Variants in KIN observed in about 807,000 individuals in gnomAD.
KIN encodes DNA/RNA-binding protein KIN17.
KIN carries 47 observed loss-of-function variants against 63.0 expected under a neutral mutation model. The ratio of observed to expected loss-of-function variants is 0.75; its 90% CI spans 0.59 to 0.95. The LOEUF (loss-of-function observed/expected upper bound fraction) is 0.95. Ranked by LOEUF, KIN falls within the 40% of genes least tolerant of loss-of-function variation. KIN has a pLI of 0.00. For missense variants in KIN, 408 were observed against 460.9 expected (o/e 0.89, Z 1.05); for synonymous variants, 160 against 157.7 (o/e 1.01, Z -0.11).
chr10:7,776,025 G>A lies in KIN; in HGVS notation c.559-226C>T, dbSNP rs140392914. ...GGGCAGATCATGAGGTCAGTAGTTC[G>A]AGACCAGTCTGGCCAACACAGTGAA... On this transcript the variant is annotated intron_variant, in intron 5 of 12. Transcript: ENST00000379562. Among the ~76,000 whole-genome samples the A allele has an allele frequency of 4.1e-3, 625 of 151,972 alleles. 4 individuals carry two copies. Among genetic ancestry groups the A allele is most frequent in the African/African-American group, 0.013 (524 of 41,434 alleles).
chr10:7,760,035 C>T (rs771558988), intron 11 of KIN, 45 bp from the exon 12 acceptor site: 1 of 906,640 alleles, frequency 1.1e-6, no homozygotes, highest in Non-Finnish European at 1.7e-6. Flanking sequence ...GAAATATCTC[C>T]ACTTTTCTTC....
At position 7,766,024 on chromosome 10, in the gene KIN, A is replaced by G. The variant is rs755100549; in HGVS notation, c.849+29T>C. On this transcript the variant is annotated intron_variant, in intron 9 of 12. Transcript: ENST00000379562. ...ATCATTCACTTAAACATACATTTAG[A>G]ACTTAAGAAACTCCAACTGAATACT... 1.1e-5 allele frequency: 17 copies of G among 1,556,160 alleles called. No individual in the cohort carries two copies. In the African/African-American group the frequency reaches 2.2e-4, roughly 20 times the overall value.
chr10:7,760,139 A>G (rs1835411742), intron 11 of KIN, 149 bp from the exon 12 acceptor site: 1 of 496,534 alleles, frequency 2.0e-6, no homozygotes, highest in Non-Finnish European at 3.5e-6. Context: ...AGAAGTGTGT[A>G]GTATTTTAGT....
chr10:7,773,459 T>C (rs2131012549), intron 7 of KIN, among the ~76,000 whole-genome samples: 1 of 152,338 alleles, frequency 6.6e-6, no homozygotes, highest in South Asian at 2.1e-4. Context: ...TGTGTTATAT[T>C]TGAGCCGATC....
Position 7,755,289 on chromosome 10 carries a change from T to C in KIN, c.*791A>G, listed in dbSNP as rs990474843. ...GGACAAACAAAATACGGTACATCCATACAGTGGAATATTAAGCAGCCATAA... is the reference window on the plus strand; with the variant it reads ...GGACAAACAAAATACGGTACATCCACACAGTGGAATATTAAGCAGCCATAA... On this transcript the variant is annotated 3_prime_UTR_variant, in exon 13 of 13. Coordinates refer to ENST00000379562, the MANE Select transcript of KIN (RefSeq NM_012311.4). 11 of 152,170 alleles carry C rather than the reference T, an allele frequency of 7.2e-5. No homozygotes were observed. The highest frequency in any genetic ancestry group is 2.7e-4 in the African/African-American group (11 of 41,444). The allele number at this position is 152,170 out of a possible 1,614,324, so 9.4% of individuals were successfully genotyped here.
intron 7 of KIN, among the ~76,000 whole-genome samples, chr10:7,772,727 G>A (rs1050394130): frequency 1.4e-4 from 21 of 151,996 alleles, no homozygotes; most frequent in African/African-American, 3.9e-4. Flanking sequence ...TCATGGACTC[G>A]GGTCACAACA....
intron 1 of KIN, 88 bp downstream of exon 1, chr10:7,787,732 C>A (rs1021607486): frequency 5.8e-6 from 6 of 1,026,410 alleles, no homozygotes; most frequent in Non-Finnish European, 9.1e-6. Context: ...GGAGCCCCAG[C>A]CCCGCGCCCT....
chr10:7,775,712 T>A, intron 6 of KIN, 39 bp downstream of exon 6: 1 of 1,122,618 alleles, frequency 8.9e-7, no homozygotes, highest in Non-Finnish European at 1.3e-6. Flanking sequence ...TATAAAAGCA[T>A]CTATGTTTAA....
At position 7,779,022 on chromosome 10, in the gene KIN, TA is replaced by T. The variant is rs768188044; in HGVS notation, c.377-4del. The T allele has an allele frequency of 5.0e-6, 8 of 1,600,600 alleles. No homozygotes were observed. The African/African-American group carries it at 9.5e-5, about 19-fold the overall frequency. Reference sequence around the variant, plus strand: ...TGTCTCGTCCACTTTGCACAAGCCTTAAAAAAACAGCCACTGCCATAAATTA... The same window carrying T: ...TGTCTCGTCCACTTTGCACAAGCCTTAAAAAACAGCCACTGCCATAAATTA... On this transcript the variant is annotated splice_region_variant and splice_polypyrimidine_tract_variant and intron_variant, in intron 4 of 12. Coordinates refer to ENST00000379562, the MANE Select transcript of KIN (RefSeq NM_012311.4).
intron 6 of KIN, among the ~76,000 whole-genome samples, chr10:7,775,516 T>C (rs1363523081): frequency 6.6e-6 from 1 of 152,220 alleles, no homozygotes; most frequent in Non-Finnish European, 1.5e-5. Context: ...ATTCTTATTA[T>C]GGCAAGATAT....
chr10:7,761,164 G>A (rs1159223479), intron 11 of KIN: 2 of 152,100 alleles, frequency 1.3e-5, no homozygotes, highest in African/African-American at 4.8e-5. Flanking sequence ...TATGGAAGTA[G>A]GCACATGTTG....
In KIN at chr10:7,759,470, T is replaced by G. The variant is rs540718708; in HGVS notation, c.1119+420A>C. Among the ~76,000 whole-genome samples the G allele has an allele frequency of 5.3e-5, 8 of 152,218 alleles. No homozygotes were observed. The East Asian group carries it at 1.5e-3, about 29-fold the overall frequency. ...CCCTCCCTCTTGACAATGACTTTAC[T>G]TCCCCCACTAACTTTACTATGCCAA... On this transcript the variant is annotated intron_variant, in intron 12 of 12. Coordinates refer to ENST00000379562, the MANE Select transcript of KIN (RefSeq NM_012311.4).
In KIN at chr10:7,753,052, T is replaced by C. The variant is rs747967233; in HGVS notation, c.*3028A>G. On this transcript the variant is annotated 3_prime_UTR_variant, in exon 13 of 13. Transcript: ENST00000379562. ...AGAGACTGCTCTAAAAAGTAAAGTC[T>C]ATGTTTGAAATAAAGAAAAATAGCT... The C allele has an allele frequency of 1.3e-5, 2 of 152,188 alleles. No homozygotes were observed. The highest frequency in any genetic ancestry group is 2.4e-5 in the African/African-American group (1 of 41,450). The allele number at this position is 152,188 out of a possible 1,614,324, so 9.4% of individuals were successfully genotyped here.
At chr10:7,769,959 C>A (rs1564319060) in intron 7 of KIN, among the ~76,000 whole-genome samples, 3 of 152,148 alleles carry the variant, frequency 2.0e-5, no homozygotes. Flanking sequence ...GAGATGGAGT[C>A]TCACTCTGTC....
intron 1 of KIN, among the ~76,000 whole-genome samples, 158 bp downstream of exon 1, chr10:7,787,662 G>A (rs1836053602): frequency 1.3e-5 from 2 of 152,186 alleles, no homozygotes; most frequent in African/African-American, 4.8e-5. Flanking sequence ...GACGGCTCTC[G>A]TGCGCTGAGT....
In KIN at chr10:7,752,121, A is replaced by G; in HGVS notation, c.*3959T>C. On this transcript the variant is annotated 3_prime_UTR_variant, in exon 13 of 13. Coordinates refer to ENST00000379562, the MANE Select transcript of KIN (RefSeq NM_012311.4). ...TGGGGTGTTAAAAAAGAATAGCTTAAAACAAAATGAGAAGACAGGCCACTG... is the reference window on the plus strand; with the variant it reads ...TGGGGTGTTAAAAAAGAATAGCTTAGAACAAAATGAGAAGACAGGCCACTG... 1 of 152,202 alleles carries G rather than the reference A, an allele frequency of 6.6e-6. No homozygotes were observed. The highest frequency in any genetic ancestry group is 1.5e-5 in the Non-Finnish European group (1 of 68,036). 9.4% of individuals were successfully genotyped at this position (152,202 alleles called of 1,614,324 possible).
intron 5 of KIN, among the ~76,000 whole-genome samples, chr10:7,776,924 TG>T (rs1835789241): frequency 6.6e-6 from 1 of 150,722 alleles, no homozygotes; most frequent in Non-Finnish European, 1.5e-5. Context: ...CCAGGCATTG[TG>T]GTGCACACCT....
In KIN at chr10:7,780,289, A is replaced by G; in HGVS notation, c.228T>C (p.Phe76=). ...DYFSEEFRND[F]LELLRRRFGT... is the part of the protein sequence containing the mutation. ...CAAAGCGTCTCCTGAGAAGTTCTAG[A>G]AAGTCATTTCGGAATTCCCTAATAA... Residue 76 remains phenylalanine (F), a synonymous_variant, in exon 3 of 13, where the codon TTT becomes TTC. Transcript: ENST00000379562. 2 of 1,608,296 alleles carry G rather than the reference A, an allele frequency of 1.2e-6. No individual in the cohort carries two copies. The highest frequency in any genetic ancestry group is 1.7e-6 in the Non-Finnish European group (2 of 1,178,292).
Position 7,780,142 on chromosome 10 carries a change from T to A in KIN, c.290A>T (p.Glu97Val), listed in dbSNP as rs781551176. The A allele has an allele frequency of 1.1e-4, 169 of 1,607,046 alleles. No individual in the cohort carries two copies. The highest frequency in any genetic ancestry group is 1.4e-4 in the Non-Finnish European group (166 of 1,176,492). The change falls in exon 4 of 13, where the codon GAA (glutamate) becomes GTA (valine). Residue 97 changes from glutamate (E) to valine (V), a missense_variant. Physicochemically the swap from Glu to Val is moderately radical, Grantham distance 121. Around this residue, in one of 2 missense-constraint regions of KIN, gnomAD observed 110 missense variants for 164.9 expected, o/e 0.67. Coordinates refer to ENST00000379562, the MANE Select transcript of KIN (RefSeq NM_012311.4). ...KRVHNNIVYN[E>V]YISHREHIHM... ...GATGTGCTCTCGGTGGCTGATGTAT[T>A]CGTTGTAGACAATGTTGTTGTGGAC...
Sources: gnomAD v4.1 joint callset for allele counts (sites outside exome capture counted in the v4.1 genomes callset) on GRCh38, gnomAD v4.1.1 for gene constraint, gnomAD v4.1.1 regional missense constraint, MANE v1.5 for transcripts, NCBI Gene and HGNC (gene_info 2026-07-23, HGNC 2026-07-21) for gene names.